The following TLN2 variants were observed in gnomAD, a reference collection of about 807,000 sequenced individuals.
TLN2 encodes talin 2.
TLN2 carries 118 observed loss-of-function variants against 294.7 expected under a neutral mutation model. The observed-to-expected ratio is 0.40, with a 90% confidence interval of 0.34 to 0.47. TLN2 has a LOEUF of 0.47. Among genes scored for constraint, TLN2 ranks in the 20% least tolerant of loss-of-function variants. The probability of loss-of-function intolerance (pLI) is 0.84; values close to 1 mark genes in which losing one functional copy is unlikely to be tolerated. For synonymous variants in TLN2, 1,431 were observed against 1,304.5 expected, an observed-to-expected ratio of 1.10 and a Z score of -2.09; for missense variants, 3,083 against 3,282.2, an observed-to-expected ratio of 0.94 and a Z score of 1.48.
chr15:62,585,198 C>G (rs2045490481), intron 1 of TLN2, among the ~76,000 whole-genome samples: 1 of 152,158 alleles, frequency 6.6e-6, no homozygotes, highest in Non-Finnish European at 1.5e-5. Context: ...GGGATTACGC[C>G]AAGTAAAACG....
intron 1 of TLN2, among the ~76,000 whole-genome samples, chr15:62,459,115 C>T (rs1640396961): frequency 6.6e-6 from 1 of 152,036 alleles, no homozygotes; most frequent in Admixed American, 6.5e-5. Flanking sequence ...ATTCTCCTGC[C>T]TCAGCCTCCT....
rs1038251916 is a variant in TLN2, at chr15:62,844,292, G to A, written c.*3682G>A. 1.3e-5 allele frequency: 2 copies of A among 151,950 alleles called. No homozygotes were observed. Among genetic ancestry groups the A allele is most frequent in the African/African-American group, 4.8e-5 (2 of 41,340 alleles). 9.4% of individuals were successfully genotyped at this position (151,950 alleles called of 1,614,324 possible). On this transcript the variant is annotated 3_prime_UTR_variant, in exon 59 of 59. Coordinates refer to ENST00000636159, the MANE Select transcript of TLN2 (RefSeq NM_015059.3). ...GGTATGTCATGTTTATGGTCACTAC[G>A]GATGAGTGTGTGCAGAGTTTGGGTT...
intron 9 of TLN2, among the ~76,000 whole-genome samples, chr15:62,673,309 G>GTTTTTTTTTTTTTTTTTTTT (rs1379480852): frequency 1.6e-4 from 1 of 6,236 alleles, no homozygotes; most frequent in Non-Finnish European, 1.1e-3. Context: ...TTTAGATGTT[G>GTTTTTTTTTTTTTTTTTTTT]CTTTTTTTTT....
intron 1 of TLN2, among the ~76,000 whole-genome samples, chr15:62,550,154 A>C (rs1178636335): frequency 6.6e-6 from 1 of 151,934 alleles, no homozygotes; most frequent in Non-Finnish European, 1.5e-5. Flanking sequence ...GATGGAGGAG[A>C]GCTTCCAGGT....
At chr15:62,652,237 T>C in intron 6 of TLN2, 103 bp downstream of exon 6, 1 of 1,280,668 alleles carries the variant, frequency 7.8e-7, no homozygotes, top group South Asian at 2.5e-5. Flanking sequence ...TTTGAATGTG[T>C]CTTAACACGC....
At chr15:62,408,511 A>C (rs1595739561) in intron 1 of TLN2, among the ~76,000 whole-genome samples, 1 of 152,228 alleles carries the variant, frequency 6.6e-6, no homozygotes, top group East Asian at 1.9e-4. Flanking sequence ...TTGATACTAC[A>C]ATGACCGTCT....
At chr15:62,798,957 CA>C in intron 48 of TLN2, among the ~76,000 whole-genome samples, 1 of 152,322 alleles carries the variant, frequency 6.6e-6, no homozygotes, top group Admixed American at 6.5e-5. Flanking sequence ...GAGGCTGAAG[CA>C]GGAGAATCAC....
chr15:62,431,112 C>G (rs114847114), intron 1 of TLN2, among the ~76,000 whole-genome samples: 1,531 of 152,164 alleles, frequency 0.01, 25 homozygotes, highest in African/African-American at 0.035. Context: ...TGAGGGGAAA[C>G]GACTTTTAAC....
chr15:62,515,016 C>T (rs913027250), intron 1 of TLN2, among the ~76,000 whole-genome samples: 6 of 152,042 alleles, frequency 3.9e-5, no homozygotes, highest in African/African-American at 9.7e-5. Context: ...ATTAAGAGCA[C>T]GTGAACCTTG....
chr15:62,762,473 G>A lies in TLN2; in HGVS notation c.4961+20G>A. 6.2e-7 allele frequency: 1 copy of A among 1,610,718 alleles called. No homozygotes were observed. The highest frequency in any genetic ancestry group is 8.5e-7 in the Non-Finnish European group (1 of 1,177,640). ...TATCAGGTCAGTTTCCCATCCGGAG[G>A]TTGCTGCCAGCCTGCATCTCAGCGG... On this transcript the variant is annotated intron_variant, in intron 39 of 58. Coordinates refer to ENST00000636159, the MANE Select transcript of TLN2 (RefSeq NM_015059.3).
intron 1 of TLN2, among the ~76,000 whole-genome samples, chr15:62,439,000 C>A (rs192182841): frequency 2.2e-3 from 331 of 152,228 alleles, no homozygotes; most frequent in Admixed American, 5.8e-3. Context: ...TAGGGCTTTT[C>A]TTTATTGTTT....
chr15:62,673,371 A>G (rs528326953), intron 9 of TLN2, among the ~76,000 whole-genome samples: 60 of 143,258 alleles, frequency 4.2e-4, no homozygotes, highest in African/African-American at 1.5e-3. Context: ...AATAAAAGAA[A>G]TAGGCAAGTT....
chr15:62,602,823 A>G (rs900355045), intron 2 of TLN2, among the ~76,000 whole-genome samples: 1 of 151,066 alleles, frequency 6.6e-6, no homozygotes, highest in Non-Finnish European at 1.5e-5. Flanking sequence ...GTTTCAGCAT[A>G]TGAATTTTGG....
At chr15:62,762,654 T>C (rs1212204547) in intron 39 of TLN2, among the ~76,000 whole-genome samples, 1 of 152,248 alleles carries the variant, frequency 6.6e-6, no homozygotes, top group Non-Finnish European at 1.5e-5. Flanking sequence ...CTACAAGTGC[T>C]TTATCTGTGT....
intron 57 of TLN2, among the ~76,000 whole-genome samples, chr15:62,836,835 G>A (rs992763957): frequency 2.0e-5 from 3 of 152,132 alleles, no homozygotes; most frequent in African/African-American, 7.2e-5. Context: ...ATTTTGTCCA[G>A]TTGTAATCAT....
chr15:62,664,766 G>A (rs767553527), intron 9 of TLN2, among the ~76,000 whole-genome samples: 5 of 139,896 alleles, frequency 3.6e-5, no homozygotes, highest in African/African-American at 7.9e-5. Flanking sequence ...GCTGAGGCAC[G>A]AGAATCACTT....
At chr15:62,536,206 C>T (rs1001095018) in intron 1 of TLN2, among the ~76,000 whole-genome samples, 12 of 152,108 alleles carry the variant, frequency 7.9e-5, no homozygotes, top group Non-Finnish European at 1.3e-4. Flanking sequence ...GTAGAATCAC[C>T]GGGGGATCTT....
intron 19 of TLN2, among the ~76,000 whole-genome samples, chr15:62,703,314 G>A (rs935044279): frequency 6.6e-6 from 1 of 151,962 alleles, no homozygotes; most frequent in African/African-American, 2.4e-5. Flanking sequence ...TGTTGGTCAG[G>A]CTGGTCTCGA....
chr15:62,596,405 T>C (rs549731313), intron 2 of TLN2, among the ~76,000 whole-genome samples: 1 of 152,198 alleles, frequency 6.6e-6, no homozygotes, highest in Non-Finnish European at 1.5e-5. Context: ...TGACACATTA[T>C]AGCATGTTCT....
Sources: gnomAD v4.1 joint callset for allele counts (sites outside exome capture counted in the v4.1 genomes callset) on GRCh38, gnomAD v4.1.1 for gene constraint, MANE v1.5 for transcripts, NCBI Gene and HGNC (gene_info 2026-07-23, HGNC 2026-07-21) for gene names.